CNTN4: variants seen among roughly 807,000 people sequenced by gnomAD.
CNTN4 encodes the protein contactin-4.
In CNTN4, 77 loss-of-function variants were observed where a neutral mutation model predicts 122.5. The ratio of observed to expected loss-of-function variants is 0.63; its 90% CI spans 0.52 to 0.76. The LOEUF is 0.76. Ranked by LOEUF, CNTN4 falls within the 30% of genes least tolerant of loss-of-function variation. The probability of loss-of-function intolerance (pLI) is 0.00; values close to 1 mark genes in which losing one functional copy is unlikely to be tolerated. For synonymous variants in CNTN4, 512 were observed against 447.0 expected, an observed-to-expected ratio of 1.15 and a Z score of -1.83; for missense variants, 1,256 against 1,259.1, an observed-to-expected ratio of 1.00 and a Z score of 0.04.
chr3:3,003,956 C>T (rs573995862), intron 14 of CNTN4, among the ~76,000 whole-genome samples: 8 of 152,106 alleles, frequency 5.3e-5, no homozygotes, highest in Non-Finnish European at 7.4e-5. Context: ...GACAGGGTTT[C>T]GCCATATTGC....
At chr3:2,522,816 G>C (rs1380617883) in intron 3 of CNTN4, among the ~76,000 whole-genome samples, 2 of 151,990 alleles carry the variant, frequency 1.3e-5, no homozygotes, top group African/African-American at 2.4e-5. Flanking sequence ...GCCCACATGA[G>C]ATTTCCCAAC....
At chr3:3,039,112 A>G (rs1699902918) in intron 19 of CNTN4, 109 bp downstream of exon 19, 1 of 989,126 alleles carries the variant, frequency 1.0e-6, no homozygotes, top group East Asian at 2.6e-5. Context: ...TTAACAGTGA[A>G]AATTCATTTG....
chr3:2,501,570 A>C (rs970226631), intron 3 of CNTN4, among the ~76,000 whole-genome samples: 2 of 152,106 alleles, frequency 1.3e-5, no homozygotes, highest in African/African-American at 4.8e-5. Context: ...TTCATATAAA[A>C]AGCTAGCAGT....
intron 2 of CNTN4, among the ~76,000 whole-genome samples, chr3:2,228,922 C>T (rs1277990575): frequency 2.0e-5 from 3 of 152,096 alleles, no homozygotes; most frequent in Non-Finnish European, 4.4e-5. Context: ...AAGAGAAAAT[C>T]AGTGCTTCAT....
Position 2,762,268 on chromosome 3 carries a change from A to G in CNTN4, c.358+16571A>G, listed in dbSNP as rs139185572. ...ACGTGCAGGTTTGTTACATAGGTAA[A>G]CTTGTGTCATGAGGGTTTGTTGTAC... On this transcript the variant is annotated intron_variant, in intron 6 of 24. Transcript: ENST00000418658. Among the ~76,000 whole-genome samples, 447 of 152,314 alleles carry G rather than the reference A, an allele frequency of 2.9e-3. 1 individual carries two copies. The highest frequency in any genetic ancestry group is 0.022 in the South Asian group (108 of 4,826).
chr3:2,459,097 A>G (rs1331003194), intron 3 of CNTN4, among the ~76,000 whole-genome samples: 1 of 152,176 alleles, frequency 6.6e-6, no homozygotes, highest in Non-Finnish European at 1.5e-5. Context: ...TGAAAATTAT[A>G]GACACTTAAT....
intron 2 of CNTN4, among the ~76,000 whole-genome samples, chr3:2,170,199 A>C (rs376372778): frequency 6.6e-6 from 1 of 150,584 alleles, no homozygotes; most frequent in African/African-American, 2.5e-5. Context: ...CGGCGCCTGT[A>C]GTCCCAGCTA....
At position 3,037,286 on chromosome 3, in the gene CNTN4, G is replaced by A. The variant is rs775041531; in HGVS notation, c.2050G>A (p.Glu684Lys). ...TVAANVIGIG[E>K]PSRPSEKRRT... The stretch of plus-strand genomic sequence containing the variant: ...TGCAGCCAACGTGATTGGGATTGGG[G>A]AGCCCAGCCGCCCCTCAGAGAAACG... Residue 684 changes from glutamate to lysine, a missense_variant, in exon 18 of 25, where the codon GAG becomes AAG. Coordinates refer to ENST00000418658, the MANE Select transcript of CNTN4 (RefSeq NM_175607.3). 1 of 1,614,062 alleles carries A rather than the reference G, an allele frequency of 6.2e-7. No homozygotes were observed. The highest frequency in any genetic ancestry group is 2.2e-5 in the East Asian group (1 of 44,888).
At chr3:2,458,005 C>G (rs956256917) in intron 3 of CNTN4, among the ~76,000 whole-genome samples, 2 of 152,136 alleles carry the variant, frequency 1.3e-5, no homozygotes. Context: ...ACATCTCCCA[C>G]CTTCCATTTT....
At chr3:2,919,292 C>T (rs1023857850) in intron 12 of CNTN4, among the ~76,000 whole-genome samples, 4 of 144,890 alleles carry the variant, frequency 2.8e-5, no homozygotes, top group African/African-American at 1.0e-4. Context: ...GCGGAGGCTG[C>T]AGTGAGCCAA....
intron 4 of CNTN4, among the ~76,000 whole-genome samples, chr3:2,673,672 C>G (rs1431004422): frequency 6.6e-6 from 1 of 152,116 alleles, no homozygotes; most frequent in African/African-American, 2.4e-5. Flanking sequence ...TCCCAAGTAG[C>G]TGGGACTACA....
chr3:2,381,806 T>C (rs1477684865), intron 3 of CNTN4, among the ~76,000 whole-genome samples: 1 of 152,154 alleles, frequency 6.6e-6, no homozygotes, highest in Non-Finnish European at 1.5e-5. Flanking sequence ...TAAAAATGTT[T>C]TTAGCTCATT....
intron 11 of CNTN4, among the ~76,000 whole-genome samples, chr3:2,902,591 A>G (rs1001950581): frequency 2.0e-5 from 3 of 152,164 alleles, no homozygotes; most frequent in Non-Finnish European, 4.4e-5. Context: ...AAGTTATTCT[A>G]TTTAGAGAGG....
chr3:2,609,391 C>T (rs1027137998), intron 4 of CNTN4, among the ~76,000 whole-genome samples: 3 of 152,136 alleles, frequency 2.0e-5, no homozygotes, highest in Admixed American at 6.5e-5. Context: ...TCAAATTTGC[C>T]GGCACCTTTA....
chr3:2,548,140 A>T (rs956524606), intron 3 of CNTN4, among the ~76,000 whole-genome samples: 1 of 152,070 alleles, frequency 6.6e-6, no homozygotes, highest in Non-Finnish European at 1.5e-5. Context: ...GTTCACCTTG[A>T]TGATAGTTTC....
At chr3:2,682,034 TG>T (rs1343968197) in intron 4 of CNTN4, among the ~76,000 whole-genome samples, 3 of 152,232 alleles carry the variant, frequency 2.0e-5, no homozygotes, top group Non-Finnish European at 4.4e-5. Context: ...AATGTTTTTG[TG>T]TTTGATCTTC....
chr3:3,039,245 C>T (rs1238189372), intron 19 of CNTN4: 3 of 454,298 alleles, frequency 6.6e-6, no homozygotes, highest in East Asian at 6.9e-5. Context: ...GGGAAGACAA[C>T]ACACGTTACA....
chr3:2,581,270 C>A (rs1349717976), intron 4 of CNTN4, among the ~76,000 whole-genome samples: 1 of 152,074 alleles, frequency 6.6e-6, no homozygotes, highest in African/African-American at 2.4e-5. Context: ...TAAAGCTATA[C>A]CTTAAGTACT....
intron 14 of CNTN4, among the ~76,000 whole-genome samples, chr3:3,015,649 A>C (rs910187766): frequency 6.6e-6 from 1 of 151,964 alleles, no homozygotes; most frequent in African/African-American, 2.4e-5. Flanking sequence ...AAAGAGGGAC[A>C]CTCTCCTTCT....
Sources: allele counts gnomAD v4.1 joint callset (sites outside exome capture counted in the v4.1 genomes callset), GRCh38; gene constraint gnomAD v4.1.1; transcripts MANE v1.5; gene names NCBI Gene and HGNC (gene_info 2026-07-23, HGNC 2026-07-21).